Variants in PIP5K1C observed in about 807,000 individuals in gnomAD.
PIP5K1C encodes the protein phosphatidylinositol 4-phosphate 5-kinase type-1 gamma.
PIP5K1C carries 45 observed loss-of-function variants against 80.1 expected under a neutral mutation model. The observed-to-expected ratio is 0.56, with a 90% confidence interval of 0.44 to 0.72. The LOEUF (loss-of-function observed/expected upper bound fraction) is 0.72, where lower values mean the gene tolerates loss of function less well. PIP5K1C is among the 30% of genes least tolerant of loss of function. The pLI, the probability that PIP5K1C is intolerant of heterozygous loss-of-function variation, is 0.00. For synonymous variants in PIP5K1C, 498 were observed against 420.1 expected, an observed-to-expected ratio of 1.19 and a Z score of -2.27; for missense variants, 753 against 954.6, an observed-to-expected ratio of 0.79 and a Z score of 2.78.
chr19:3,633,197 T>TGGGCG (rs766606293), intron 17 of PIP5K1C, 28 bp from the exon 18 acceptor site: 2 of 752,178 alleles, frequency 2.7e-6, no homozygotes, highest in East Asian at 2.6e-5. Flanking sequence ...CAGGTGAAGG[T>TGGGCG]GGGCGGGGCG....
intron 1 of PIP5K1C, among the ~76,000 whole-genome samples, chr19:3,685,127 C>T (rs2035713588): frequency 6.6e-6 from 1 of 152,056 alleles, no homozygotes; most frequent in Non-Finnish European, 1.5e-5. Context: ...ACGCCCAGAC[C>T]CCTCTAATGA....
In PIP5K1C at chr19:3,680,960, C is replaced by T. The variant is rs8103467; in HGVS notation, c.95-13607G>A. On this transcript the variant is annotated intron_variant, in intron 1 of 17. Transcript: ENST00000335312. ...GCGGAGGCCAGCGACACTGCTCAGC[C>T]CCCTGCAGTGCCCAGGATGGCCCTA... Among the ~76,000 whole-genome samples the T allele has an allele frequency of 2.0e-5, 3 of 152,180 alleles. 1 individual carries two copies. The highest frequency in any genetic ancestry group is 2.4e-5 in the African/African-American group (1 of 41,424).
chr19:3,690,684 A>G (rs2035920923), intron 1 of PIP5K1C, among the ~76,000 whole-genome samples: 1 of 152,188 alleles, frequency 6.6e-6, no homozygotes, highest in African/African-American at 2.4e-5. Flanking sequence ...TCGTAGGAGA[A>G]GATGGGCAAA....
At chr19:3,699,750 G>T (rs555435314) in intron 1 of PIP5K1C, among the ~76,000 whole-genome samples, 1 of 152,212 alleles carries the variant, frequency 6.6e-6, no homozygotes, top group Admixed American at 6.5e-5. Context: ...TGTCCTGGGG[G>T]AAGGCTCGGG....
intron 1 of PIP5K1C, among the ~76,000 whole-genome samples, chr19:3,684,632 T>C (rs544343493): frequency 6.6e-6 from 1 of 152,318 alleles, no homozygotes; most frequent in South Asian, 2.1e-4. Context: ...CAGCCAATAC[T>C]GGGAAACTGA....
chr19:3,694,557 C>T (rs554365857), intron 1 of PIP5K1C, among the ~76,000 whole-genome samples: 19 of 152,374 alleles, frequency 1.2e-4, no homozygotes, highest in Admixed American at 5.9e-4. Flanking sequence ...GCACTGCCCA[C>T]GGACCATCCC....
Position 3,671,101 on chromosome 19 carries a change from G to A in PIP5K1C, c.95-3748C>T, listed in dbSNP as rs1485822939. ...CAGGAAGCCAGCGGTGGGCCGGGGC[G>A]GGACGTTCCAGACCTCATCGGGGGC... On this transcript the variant is annotated intron_variant, in intron 1 of 17. Transcript: ENST00000335312. Among the ~76,000 whole-genome samples the A allele has an allele frequency of 3.3e-5, 5 of 152,172 alleles. No homozygotes were observed. In the East Asian group the frequency reaches 5.8e-4, roughly 18 times the overall value.
chr19:3,693,269 G>A (rs1410545584), intron 1 of PIP5K1C, among the ~76,000 whole-genome samples: 1 of 152,164 alleles, frequency 6.6e-6, no homozygotes, highest in Non-Finnish European at 1.5e-5. Context: ...TTTCAGTGGA[G>A]GAGAGCGGCC....
chr19:3,695,726 A>AC (rs1238954208), intron 1 of PIP5K1C, among the ~76,000 whole-genome samples: 73 of 110,794 alleles, frequency 6.6e-4, no homozygotes, highest in African/African-American at 2.2e-3. Flanking sequence ...AATCCCACTG[A>AC]CCCTTTTTTT....
intron 5 of PIP5K1C, among the ~76,000 whole-genome samples, chr19:3,657,780 GA>G: frequency 6.6e-6 from 1 of 150,414 alleles, no homozygotes; most frequent in African/African-American, 2.4e-5. Flanking sequence ...AAAAAAGAAA[GA>G]AAACAAAAAC....
chr19:3,673,921 T>G (rs2035284381), intron 1 of PIP5K1C: 1 of 152,260 alleles, frequency 6.6e-6, no homozygotes, highest in African/African-American at 2.4e-5. Flanking sequence ...AATCTTCTCC[T>G]GCTAAACTGC....
chr19:3,646,951 AGGGAT>A (rs1177020511), intron 10 of PIP5K1C, among the ~76,000 whole-genome samples: 1 of 132,920 alleles, frequency 7.5e-6, no homozygotes, highest in African/African-American at 2.9e-5. Flanking sequence ...CAGAGGGAGG[AGGGAT>A]GGGAGGAGGG....
chr19:3,682,047 G>A (rs1019327781), intron 1 of PIP5K1C, among the ~76,000 whole-genome samples: 1 of 152,070 alleles, frequency 6.6e-6, no homozygotes, highest in Non-Finnish European at 1.5e-5. Flanking sequence ...AGCACAGAGG[G>A]AGACAAAGAG....
At chr19:3,670,607 C>G (rs2035175283) in intron 1 of PIP5K1C, among the ~76,000 whole-genome samples, 2 of 152,254 alleles carry the variant, frequency 1.3e-5, no homozygotes, top group South Asian at 4.1e-4. Flanking sequence ...GCCCCCCAGT[C>G]CCGGGGACTT....
At chr19:3,699,271 T>C (rs1039110720) in intron 1 of PIP5K1C, among the ~76,000 whole-genome samples, 1 of 141,342 alleles carries the variant, frequency 7.1e-6, no homozygotes, top group South Asian at 2.2e-4. Context: ...AGGAACCGGG[T>C]CACCTACCAA....
rs573638902 is a variant in PIP5K1C, at chr19:3,636,604, G to A, written c.1920+2280C>T. ...TCTGGGCAGCTCCTGGACGATCTCC[G>A]GGGCACGGCTTCGCGGTGGCTGGCT... is the stretch of plus-strand genomic sequence containing the variant. On this transcript the variant is annotated intron_variant, in intron 16 of 17. Transcript: ENST00000335312. The A allele has an allele frequency of 5.4e-5, 53 of 985,610 alleles. No homozygotes were observed. In the South Asian group the frequency reaches 2.1e-3, roughly 38 times the overall value. 61.1% of individuals were successfully genotyped at this position (985,610 alleles called of 1,614,324 possible).
At chr19:3,642,130 G>A (rs1253252521) in intron 14 of PIP5K1C, among the ~76,000 whole-genome samples, 1 of 152,232 alleles carries the variant, frequency 6.6e-6, no homozygotes, top group Non-Finnish European at 1.5e-5. Context: ...TGACACAAGT[G>A]ACTCAGTGTC....
rs748457270 is a variant in PIP5K1C, at chr19:3,646,106, C to A, written c.1261-48G>T. The A allele has an allele frequency of 5.8e-6, 7 of 1,212,044 alleles. No homozygotes were observed. The South Asian group carries it at 8.4e-5, about 15-fold the overall frequency. The allele number at this position is 1,212,044 out of a possible 1,614,324, so 75.1% of individuals were successfully genotyped here. ...GCCCGGGGGCAGAGGGTGCATCAAT[C>A]AACAGCTGGGGACAGCCCCAGACAG... On this transcript the variant is annotated intron_variant, in intron 10 of 17. Coordinates refer to ENST00000335312, the MANE Select transcript of PIP5K1C (RefSeq NM_012398.3).
At chr19:3,652,405 G>A (rs1376558262) in intron 7 of PIP5K1C, among the ~76,000 whole-genome samples, 1 of 152,242 alleles carries the variant, frequency 6.6e-6, no homozygotes, top group Admixed American at 6.5e-5. Context: ...CACCCAGGTG[G>A]GTGGATGCCC....
Sources: gnomAD v4.1 joint callset for allele counts (sites outside exome capture counted in the v4.1 genomes callset) on GRCh38, gnomAD v4.1.1 for gene constraint, MANE v1.5 for transcripts, NCBI Gene and HGNC (gene_info 2026-07-23, HGNC 2026-07-21) for gene names.